The following IL1RAPL1 variants were observed in gnomAD, a reference collection of about 807,000 sequenced individuals.
IL1RAPL1 encodes interleukin-1 receptor accessory protein-like 1.
IL1RAPL1 carries 3 observed loss-of-function variants against 48.4 expected under a neutral mutation model. The observed-to-expected ratio is 0.06, with a 90% CI of 0.03 to 0.16. The LOEUF is 0.16. Among genes scored for constraint, IL1RAPL1 ranks in the 10% least tolerant of loss-of-function variants. IL1RAPL1 has a pLI of 1.00. For missense variants in IL1RAPL1, 349 were observed against 530.6 expected (o/e 0.66, Z 3.36); for synonymous variants, 185 against 187.7 (o/e 0.99, Z 0.12).
At chrX:29,370,534 C>T (rs1328790228) in intron 3 of IL1RAPL1, among the ~76,000 whole-genome samples, 1 of 109,799 alleles carries the variant, frequency 9.1e-6, no homozygotes, top group Non-Finnish European at 1.9e-5. Context: ...AAGTGCTTCC[C>T]TGTTCCTAAA....
At chrX:29,237,146 G>A (rs1423934154) in intron 2 of IL1RAPL1, among the ~76,000 whole-genome samples, 1 of 111,353 alleles carries the variant, frequency 9.0e-6, no homozygotes, top group East Asian at 2.8e-4. Flanking sequence ...AAGAAACTAA[G>A]CAAATGGAAA....
intron 5 of IL1RAPL1, among the ~76,000 whole-genome samples, chrX:29,646,978 G>T (rs997521694): frequency 5.3e-5 from 6 of 112,160 alleles, no homozygotes; most frequent in Non-Finnish European, 1.1e-4. Flanking sequence ...CAAGCTGAAA[G>T]AAAAGAATGC....
intron 2 of IL1RAPL1, among the ~76,000 whole-genome samples, chrX:29,239,343 A>T (rs1369614924): frequency 8.9e-6 from 1 of 112,572 alleles, no homozygotes; most frequent in Non-Finnish European, 1.9e-5. Context: ...CATTATTTTT[A>T]AAAATATGAT....
intron 2 of IL1RAPL1, among the ~76,000 whole-genome samples, chrX:29,035,110 ATTTG>A (rs746927010): frequency 2.7e-5 from 3 of 110,591 alleles, no homozygotes; most frequent in African/African-American, 9.9e-5. Flanking sequence ...AATTTTTTGT[ATTTG>A]TTTGTTTGTT....
intron 2 of IL1RAPL1, among the ~76,000 whole-genome samples, chrX:29,185,952 G>A (rs1930243852): frequency 1.8e-5 from 2 of 111,352 alleles, no homozygotes; most frequent in Admixed American, 9.6e-5. Context: ...GAAGAAGGAG[G>A]AGAGTGGAAA....
intron 1 of IL1RAPL1, among the ~76,000 whole-genome samples, chrX:28,757,385 A>AATC (rs1936117505): frequency 8.9e-6 from 1 of 112,639 alleles, no homozygotes; most frequent in African/African-American, 3.2e-5. Flanking sequence ...TTTTTTATCA[A>AATC]ATCACAGCTT....
Position 29,527,953 on chromosome X carries a change from T to G in IL1RAPL1, c.703+128645T>G, listed in dbSNP as rs751763444. Reference sequence around the variant, plus strand: ...AAGTAAAAGCAAATTAAAGCTATTTTGAGGTACAGTTCTCACCCATCAGAT... The same window carrying G: ...AAGTAAAAGCAAATTAAAGCTATTTGGAGGTACAGTTCTCACCCATCAGAT... On this transcript the variant is annotated intron_variant, in intron 5 of 10. Transcript: ENST00000378993. Among the ~76,000 whole-genome samples the G allele has an allele frequency of 3.7e-3, 412 of 112,080 alleles. 4 individuals carry two copies. The highest frequency in any genetic ancestry group is 5.4e-3 in the Non-Finnish European group (288 of 53,201).
intron 2 of IL1RAPL1, among the ~76,000 whole-genome samples, chrX:28,977,523 G>A (rs1014731809): frequency 3.6e-5 from 4 of 112,068 alleles, no homozygotes; most frequent in Non-Finnish European, 7.5e-5. Flanking sequence ...CACCAGGCCC[G>A]ACCTCCAACA....
At chrX:29,782,888 ATTTTTTTTTTTTTTTTTTTT>A (rs780831874) in intron 6 of IL1RAPL1, among the ~76,000 whole-genome samples, 4 of 31,077 alleles carry the variant, frequency 1.3e-4, no homozygotes, top group Non-Finnish European at 2.2e-4. Context: ...TGATCGTGAC[ATTTTTTTTTTTTTTTTTTTT>A]TTTTTTTTTT....
At chrX:29,222,316 T>G (rs777801195) in intron 2 of IL1RAPL1, among the ~76,000 whole-genome samples, 1 of 112,019 alleles carries the variant, frequency 8.9e-6, no homozygotes, top group African/African-American at 3.2e-5. Context: ...CTATAAATAT[T>G]GGCAATTTCA....
At chrX:29,837,413 A>G (rs781406461) in intron 6 of IL1RAPL1, among the ~76,000 whole-genome samples, 8 of 108,095 alleles carry the variant, frequency 7.4e-5, no homozygotes, top group Admixed American at 7.0e-4. Flanking sequence ...GGCAATTAAC[A>G]TCAATAATCT....
chrX:29,566,057 T>G (rs1348123550), intron 5 of IL1RAPL1, among the ~76,000 whole-genome samples: 4 of 110,021 alleles, frequency 3.6e-5, no homozygotes, highest in African/African-American at 1.3e-4. Flanking sequence ...CACGCCATTC[T>G]CCTGCCTCAG....
chrX:29,226,448 T>C (rs1351777289), intron 2 of IL1RAPL1, among the ~76,000 whole-genome samples: 4 of 101,756 alleles, frequency 3.9e-5, no homozygotes, highest in Non-Finnish European at 6.2e-5. Flanking sequence ...TTCTTTCTTT[T>C]TTTTTTTTTT....
At chrX:29,116,727 T>G (rs1928684704) in intron 2 of IL1RAPL1, among the ~76,000 whole-genome samples, 1 of 111,318 alleles carries the variant, frequency 9.0e-6, no homozygotes, top group Non-Finnish European at 1.9e-5. Flanking sequence ...GTGGTAAGCA[T>G]ATATGGGTCA....
chrX:29,111,667 A>G (rs146348853), intron 2 of IL1RAPL1, among the ~76,000 whole-genome samples: 152 of 111,643 alleles, frequency 1.4e-3, no homozygotes, highest in African/African-American at 4.7e-3. Context: ...AGGCGATGCC[A>G]TATTATTTTC....
At chrX:29,417,380 A>G (rs774633363) in intron 5 of IL1RAPL1, among the ~76,000 whole-genome samples, 3 of 112,208 alleles carry the variant, frequency 2.7e-5, no homozygotes, top group African/African-American at 9.7e-5. Flanking sequence ...TTTAGTCATT[A>G]TATTAGCATC....
At chrX:28,949,448 C>T (rs539962436) in intron 2 of IL1RAPL1, among the ~76,000 whole-genome samples, 7 of 111,174 alleles carry the variant, frequency 6.3e-5, no homozygotes, top group South Asian at 3.7e-4. Flanking sequence ...TTTATTGGAA[C>T]GCAGATATTG....
chrX:29,749,451 C>T (rs912266366), intron 6 of IL1RAPL1, among the ~76,000 whole-genome samples: 1 of 111,892 alleles, frequency 8.9e-6, no homozygotes, highest in African/African-American at 3.2e-5. Context: ...TATAAACTCC[C>T]TTTGAAATGA....
chrX:28,713,400 G>T (rs1020023420), intron 1 of IL1RAPL1, among the ~76,000 whole-genome samples: 2 of 111,245 alleles, frequency 1.8e-5, no homozygotes, highest in African/African-American at 6.5e-5. Flanking sequence ...AGAATCTAGA[G>T]ATTTTACCTA....
Sources: allele counts gnomAD v4.1 joint callset (sites outside exome capture counted in the v4.1 genomes callset), GRCh38; gene constraint gnomAD v4.1.1; transcripts MANE v1.5; gene names NCBI Gene and HGNC (gene_info 2026-07-23, HGNC 2026-07-21).